Variants in CNTNAP2 observed in about 807,000 individuals in gnomAD.
CNTNAP2 encodes contactin-associated protein-like 2.
CNTNAP2 carries 98 observed loss-of-function variants against 155.2 expected under a neutral mutation model. That is an observed-to-expected ratio of 0.63 (90% confidence interval 0.54 to 0.75). The LOEUF (loss-of-function observed/expected upper bound fraction) is 0.75. Among genes scored for constraint, CNTNAP2 ranks in the 30% least tolerant of loss-of-function variants. The pLI is 0.00. For synonymous variants in CNTNAP2, 651 were observed against 631.2 expected, an observed-to-expected ratio of 1.03 and a Z score of -0.47; for missense variants, 1,727 against 1,688.1, an observed-to-expected ratio of 1.02 and a Z score of -0.40.
intron 2 of CNTNAP2, among the ~76,000 whole-genome samples, chr7:146,788,750 A>T (rs1802622334): frequency 6.6e-6 from 1 of 152,178 alleles, no homozygotes; most frequent in South Asian, 2.1e-4. Flanking sequence ...TAGTGACTTA[A>T]GTTGTCAACT....
chr7:146,938,405 A>G (rs1796971023), intron 3 of CNTNAP2, among the ~76,000 whole-genome samples: 1 of 150,384 alleles, frequency 6.6e-6, no homozygotes, highest in Non-Finnish European at 1.5e-5. Flanking sequence ...TTTATATATT[A>G]TATATACATA....
At chr7:146,454,732 T>G (rs992433688) in intron 1 of CNTNAP2, among the ~76,000 whole-genome samples, 1 of 151,852 alleles carries the variant, frequency 6.6e-6, no homozygotes, top group East Asian at 1.9e-4. Flanking sequence ...ATAAGAGAGA[T>G]AGATAGATAG....
chr7:148,291,608 A>G (rs1183156572), intron 21 of CNTNAP2, among the ~76,000 whole-genome samples: 2 of 152,118 alleles, frequency 1.3e-5, no homozygotes, highest in Non-Finnish European at 2.9e-5. Flanking sequence ...CCACTGACTC[A>G]AATGGTAATC....
chr7:146,964,563 T>C (rs112028491), intron 3 of CNTNAP2, among the ~76,000 whole-genome samples: 6,864 of 152,324 alleles, frequency 0.045, 218 homozygotes, highest in Non-Finnish European at 0.07. Flanking sequence ...CTTTCAGTGT[T>C]AAGATATCTT....
At chr7:147,088,524 A>C (rs975403399) in intron 4 of CNTNAP2, among the ~76,000 whole-genome samples, 6 of 152,230 alleles carry the variant, frequency 3.9e-5, no homozygotes, top group Non-Finnish European at 5.9e-5. Context: ...TCAAGTGACA[A>C]AATACATAGT....
rs58573270 is a variant in CNTNAP2 at position 146,875,235 on chromosome 7, C to T, written c.402+35331C>T. ...TTCATGAGAAGCTGAATTTGGTTCT[C>T]TACACAAACTTATAACTGAAGGGAT... On this transcript the variant is annotated intron_variant, in intron 3 of 23. Coordinates refer to ENST00000361727, the MANE Select transcript of CNTNAP2 (RefSeq NM_014141.6). 1.9e-3 allele frequency among the ~76,000 whole-genome samples: 290 copies of T among 152,174 alleles called. 3 individuals are homozygous for T. The highest frequency in any genetic ancestry group is 6.7e-3 in the African/African-American group (280 of 41,520).
rs77965036 is a variant in CNTNAP2, at chr7:147,774,107, G to A, written c.2099-129458G>A. On this transcript the variant is annotated intron_variant, in intron 13 of 23. Coordinates refer to ENST00000361727, the MANE Select transcript of CNTNAP2 (RefSeq NM_014141.6). Reference sequence around the variant, plus strand: ...TAAAATTTCGACTCCTCCTGCCACAGTAGTTAATAATGCCCTTTTCTGCTT... The same window carrying A: ...TAAAATTTCGACTCCTCCTGCCACAATAGTTAATAATGCCCTTTTCTGCTT... 1.0e-3 allele frequency among the ~76,000 whole-genome samples: 159 copies of A among 152,186 alleles called. 2 individuals are homozygous for A. The East Asian group carries it at 0.03, about 28-fold the overall frequency.
chr7:146,952,799 A>C (rs1797348667), intron 3 of CNTNAP2, among the ~76,000 whole-genome samples: 1 of 152,122 alleles, frequency 6.6e-6, no homozygotes, highest in Non-Finnish European at 1.5e-5. Context: ...TACATTTCTA[A>C]AGGCACATAA....
chr7:147,414,654 G>A (rs947803293), intron 10 of CNTNAP2, among the ~76,000 whole-genome samples: 4 of 151,628 alleles, frequency 2.6e-5, no homozygotes, highest in African/African-American at 9.7e-5. Context: ...TTTAAGAAAT[G>A]GATTCTCCCA....
chr7:147,569,206 G>A (rs1044582900), intron 12 of CNTNAP2, among the ~76,000 whole-genome samples: 28 of 152,112 alleles, frequency 1.8e-4, no homozygotes, highest in African/African-American at 5.6e-4. Flanking sequence ...AGCTTGTAAC[G>A]GAAGTTTCTA....
intron 13 of CNTNAP2, among the ~76,000 whole-genome samples, chr7:147,850,350 C>T (rs561986114): frequency 4.6e-5 from 7 of 152,082 alleles, no homozygotes; most frequent in Non-Finnish European, 7.4e-5. Context: ...CCCAAGGTAA[C>T]TTATAGATTC....
At chr7:147,520,517 T>A (rs1275217584) in intron 11 of CNTNAP2, among the ~76,000 whole-genome samples, 3 of 152,192 alleles carry the variant, frequency 2.0e-5, no homozygotes, top group South Asian at 4.1e-4. Flanking sequence ...ATTAGGTAAA[T>A]GACATGCAAA....
chr7:147,409,804 C>T (rs933762173), intron 10 of CNTNAP2, among the ~76,000 whole-genome samples: 7 of 151,316 alleles, frequency 4.6e-5, no homozygotes, highest in African/African-American at 1.7e-4. Flanking sequence ...AAAAAAAAAC[C>T]TCAACATCAC....
chr7:146,667,594 T>C (rs1442657664), intron 1 of CNTNAP2, among the ~76,000 whole-genome samples: 3 of 152,094 alleles, frequency 2.0e-5, no homozygotes, highest in Admixed American at 6.6e-5. Flanking sequence ...TTAATTCTTC[T>C]GATACATGAG....
chr7:147,123,387 C>A (rs1406275559), intron 6 of CNTNAP2, among the ~76,000 whole-genome samples: 1 of 152,224 alleles, frequency 6.6e-6, no homozygotes, highest in East Asian at 1.9e-4. Context: ...GTCATAAACC[C>A]TGTTGAGTGT....
chr7:147,134,709 A>T (rs972267473), intron 8 of CNTNAP2, among the ~76,000 whole-genome samples: 9 of 152,006 alleles, frequency 5.9e-5, no homozygotes, highest in African/African-American at 2.2e-4. Context: ...AAATTCAATT[A>T]AATGTGTAAA....
intron 13 of CNTNAP2, among the ~76,000 whole-genome samples, chr7:147,679,807 C>T (rs575280536): frequency 2.0e-5 from 3 of 151,860 alleles, no homozygotes; most frequent in South Asian, 2.1e-4. Context: ...TCTAGTATCA[C>T]GTCAGGATCA....
At chr7:147,752,233 T>G (rs1257964235) in intron 13 of CNTNAP2, among the ~76,000 whole-genome samples, 1 of 152,236 alleles carries the variant, frequency 6.6e-6, no homozygotes, top group Non-Finnish European at 1.5e-5. Flanking sequence ...AAGGGATACT[T>G]TCAGAATGTA....
intron 2 of CNTNAP2, among the ~76,000 whole-genome samples, chr7:146,824,862 G>A (rs201541297): frequency 1.4e-5 from 2 of 143,658 alleles, no homozygotes; most frequent in Non-Finnish European, 3.0e-5. Flanking sequence ...TTTTGGACCT[G>A]TTTTTTTTTT....
Sources: allele counts gnomAD v4.1 joint callset (sites outside exome capture counted in the v4.1 genomes callset), GRCh38; gene constraint gnomAD v4.1.1; transcripts MANE v1.5; gene names NCBI Gene and HGNC (gene_info 2026-07-23, HGNC 2026-07-21).